OPCML: variants seen among roughly 807,000 people sequenced by gnomAD.
OPCML encodes the protein opioid-binding protein/cell adhesion molecule.
In OPCML, 13 loss-of-function variants were observed where a neutral mutation model predicts 37.8. The ratio of observed to expected loss-of-function variants is 0.34; its 90% CI spans 0.22 to 0.55. The LOEUF (loss-of-function observed/expected upper bound fraction) is 0.55. Among genes scored for constraint, OPCML ranks in the 20% least tolerant of loss-of-function variants. The pLI is 0.91. For synonymous variants in OPCML, 176 were observed against 168.8 expected (o/e 1.04, Z -0.33); for missense variants, 341 against 435.6 (o/e 0.78, Z 1.93).
chr11:132,681,103 T>C (rs1942922044), intron 2 of OPCML, among the ~76,000 whole-genome samples: 2 of 152,176 alleles, frequency 1.3e-5, no homozygotes, highest in South Asian at 4.1e-4. Flanking sequence ...TTGTCCCTCA[T>C]GTTTTGACAC....
chr11:132,648,129 C>T (rs1335974762), intron 3 of OPCML, among the ~76,000 whole-genome samples: 1 of 152,176 alleles, frequency 6.6e-6, no homozygotes, highest in Non-Finnish European at 1.5e-5. Context: ...TACTTGGATG[C>T]TAAACAGTGA....
chr11:133,176,611 A>C (rs1454688815), intron 1 of OPCML, among the ~76,000 whole-genome samples: 1 of 152,014 alleles, frequency 6.6e-6, no homozygotes, highest in Non-Finnish European at 1.5e-5. Flanking sequence ...GGTTGTTTAA[A>C]GGTGTGTGGC....
chr11:133,102,563 AT>A (rs539695187), intron 1 of OPCML, among the ~76,000 whole-genome samples: 65 of 152,254 alleles, frequency 4.3e-4, no homozygotes, highest in African/African-American at 1.4e-3. Context: ...CCTAGCTAAC[AT>A]GGTGAAACCC....
chr11:132,479,230 G>A (rs559692400), intron 4 of OPCML, among the ~76,000 whole-genome samples: 10 of 152,306 alleles, frequency 6.6e-5, no homozygotes, highest in African/African-American at 2.4e-4. Flanking sequence ...AGGGGTCAGG[G>A]AGTTCCCTTT....
intron 1 of OPCML, among the ~76,000 whole-genome samples, chr11:132,986,999 G>C (rs1451174923): frequency 6.6e-6 from 1 of 152,214 alleles, no homozygotes; most frequent in African/African-American, 2.4e-5. Context: ...GCGAATGTGG[G>C]AGGGAGCACA....
intron 1 of OPCML, among the ~76,000 whole-genome samples, chr11:132,996,981 T>C (rs1418607480): frequency 6.6e-6 from 1 of 152,188 alleles, no homozygotes; most frequent in Non-Finnish European, 1.5e-5. Flanking sequence ...CCGAGGCAGC[T>C]CCCCTTATCT....
chr11:132,610,094 C>T (rs1938550245), intron 3 of OPCML, among the ~76,000 whole-genome samples: 1 of 152,170 alleles, frequency 6.6e-6, no homozygotes, highest in Admixed American at 6.5e-5. Context: ...AATCAAGCAA[C>T]CATGCTTGTG....
intron 2 of OPCML, among the ~76,000 whole-genome samples, chr11:132,798,812 G>C (rs1938479324): frequency 6.6e-6 from 1 of 152,214 alleles, no homozygotes; most frequent in East Asian, 1.9e-4. Flanking sequence ...TTGTTAACAG[G>C]CATGAAAACA....
intron 3 of OPCML, among the ~76,000 whole-genome samples, chr11:132,650,913 T>C (rs1428466168): frequency 1.3e-5 from 2 of 152,184 alleles, no homozygotes; most frequent in Non-Finnish European, 2.9e-5. Context: ...TAAGCACACA[T>C]GTTCATTTAA....
chr11:132,474,165 A>G (rs1431353332), intron 4 of OPCML, among the ~76,000 whole-genome samples: 4 of 152,164 alleles, frequency 2.6e-5, no homozygotes, highest in African/African-American at 9.7e-5. Context: ...TCATAAAATC[A>G]TAATCACAGA....
chr11:132,570,013 G>A (rs1389479727), intron 3 of OPCML, among the ~76,000 whole-genome samples: 1 of 150,568 alleles, frequency 6.6e-6, no homozygotes, highest in Non-Finnish European at 1.5e-5. Flanking sequence ...AGTAGCAGAG[G>A]TGAAAGAAGA....
intron 1 of OPCML, among the ~76,000 whole-genome samples, chr11:133,150,433 G>C (rs961988422): frequency 1.3e-5 from 2 of 152,190 alleles, no homozygotes; most frequent in Non-Finnish European, 2.9e-5. Context: ...TTTCAACCCA[G>C]GACTCTGAAC....
intron 1 of OPCML, among the ~76,000 whole-genome samples, chr11:132,994,865 A>G (rs1431344953): frequency 6.6e-6 from 1 of 152,252 alleles, no homozygotes; most frequent in East Asian, 1.9e-4. Flanking sequence ...ATGGATACAG[A>G]CACTTTACAT....
At chr11:133,167,920 T>C (rs1052920891) in intron 1 of OPCML, among the ~76,000 whole-genome samples, 2 of 152,210 alleles carry the variant, frequency 1.3e-5, no homozygotes, top group African/African-American at 4.8e-5. Context: ...ACTCATTCAT[T>C]CCATTTACTC....
chr11:132,730,287 A>AATCC (rs1945033998), intron 2 of OPCML, among the ~76,000 whole-genome samples: 2 of 152,168 alleles, frequency 1.3e-5, no homozygotes, highest in South Asian at 4.1e-4. Context: ...AACACAAATC[A>AATCC]ATCCATATAC....
rs141842627 is a variant in OPCML at position 132,531,245 on chromosome 11, T to A, written c.380-2059A>T. 3.0e-3 allele frequency among the ~76,000 whole-genome samples: 460 copies of A among 152,340 alleles called. 3 individuals carry two copies. The highest frequency in any genetic ancestry group is 0.011 in the African/African-American group (440 of 41,586). ...CCCAAAACTAAGGGAGGTAAAGCTT[T>A]GAATGGAAGACTTTAGATACTCAAA... On this transcript the variant is annotated intron_variant, in intron 3 of 7. Coordinates refer to ENST00000524381, the MANE Select transcript of OPCML (RefSeq NM_001012393.5).
At chr11:133,420,205 TC>T (rs1368488134) in intron 1 of OPCML, 9 of 959,848 alleles carry the variant, frequency 9.4e-6, no homozygotes, top group African/African-American at 5.3e-5. Context: ...TTTTTTTTTT[TC>T]CTCAGAGATC....
intron 1 of OPCML, among the ~76,000 whole-genome samples, chr11:132,961,350 A>G (rs1946089334): frequency 6.6e-6 from 1 of 152,220 alleles, no homozygotes. Flanking sequence ...GCACAAAGAT[A>G]TATGTAGCTC....
At chr11:132,444,363 C>T (rs1400624619) in intron 4 of OPCML, among the ~76,000 whole-genome samples, 2 of 152,178 alleles carry the variant, frequency 1.3e-5, no homozygotes, top group Non-Finnish European at 2.9e-5. Context: ...TTCTCCATCA[C>T]ATACCTCCTG....
Sources: gnomAD v4.1 joint callset for allele counts (sites outside exome capture counted in the v4.1 genomes callset) on GRCh38, gnomAD v4.1.1 for gene constraint, MANE v1.5 for transcripts, NCBI Gene and HGNC (gene_info 2026-07-23, HGNC 2026-07-21) for gene names.